LAIR1: variants seen among roughly 807,000 people sequenced by gnomAD.
The protein encoded by LAIR1 is leukocyte associated immunoglobulin like receptor 1.
Under a neutral mutation model 32.8 loss-of-function variants are expected in LAIR1, and 24 were observed. The observed-to-expected ratio is 0.73, with a 90% CI of 0.53 to 1.03. The LOEUF is 1.03. Among genes scored for constraint, LAIR1 ranks in the 50% least tolerant of loss-of-function variants. The pLI, the probability that LAIR1 is intolerant of heterozygous loss-of-function variation, is 0.00. For missense variants in LAIR1, 355 were observed against 347.5 expected (o/e 1.02, Z -0.17); for synonymous variants, 150 against 140.5 (o/e 1.07, Z -0.48).
chr19:54,356,681 C>G, intron 5 of LAIR1, 62 bp from the exon 6 acceptor site: 1 of 1,506,110 alleles, frequency 6.6e-7, no homozygotes, highest in Non-Finnish European at 9.2e-7. Context: ...CTGTATACCA[C>G]ACACACGTCA....
chr19:54,353,727 CTTTCT>C lies in LAIR1; in HGVS notation c.*1536_*1540del, dbSNP rs953460432. ...GAGTTTTTGCTGAATTCTTAAAAAT[CTTTCT>C]TTTCTTTTCTTTTCTTTTTTGACGG... On this transcript the variant is annotated 3_prime_UTR_variant, in exon 10 of 10. Coordinates refer to ENST00000391742, the MANE Select transcript of LAIR1 (RefSeq NM_002287.6). 1.8e-4 allele frequency: 28 copies of C among 151,726 alleles called. No individual in the cohort carries two copies. Among genetic ancestry groups the C allele is most frequent in the East Asian group, 1.5e-3 (8 of 5,166 alleles). The allele number at this position is 151,726 out of a possible 1,614,324, so 9.4% of individuals were successfully genotyped here. A position where few individuals can be genotyped will look rare whatever the true frequency, so the allele number is the denominator to read the frequency against.
chr19:54,367,182 T>C (rs1340415098), upstream of LAIR1, among the ~76,000 whole-genome samples: 1 of 152,230 alleles, frequency 6.6e-6, no homozygotes. Flanking sequence ...TGCATCAGAA[T>C]AGTCCAAACG....
In LAIR1 at chr19:54,356,281, T is replaced by C; in HGVS notation, c.627-14A>G. ...GCCAGGTCAGGCCTAAGAGGAAAAA[T>C]AAAAGTGAACCTCAGGGGCAGCCTG... On this transcript the variant is annotated splice_polypyrimidine_tract_variant and intron_variant, in intron 7 of 9. Coordinates refer to ENST00000391742, the MANE Select transcript of LAIR1 (RefSeq NM_002287.6). The C allele has an allele frequency of 6.2e-7, 1 of 1,611,472 alleles. No individual in the cohort carries two copies. The highest frequency in any genetic ancestry group is 8.5e-7 in the Non-Finnish European group (1 of 1,179,346).
intron 2 of LAIR1, among the ~76,000 whole-genome samples, chr19:54,363,486 C>T (rs1219063156): frequency 3.3e-5 from 5 of 152,142 alleles, no homozygotes; most frequent in East Asian, 3.8e-4. Flanking sequence ...GCGGAGCTGA[C>T]GCCTGCACTC....
upstream of LAIR1, among the ~76,000 whole-genome samples, chr19:54,369,456 A>T (rs942563197): frequency 1.3e-4 from 20 of 151,386 alleles, 1 homozygote; most frequent in Non-Finnish European, 2.9e-4. Context: ...ATGGGCAGTT[A>T]TTCTGGGTTT....
Position 54,361,178 on chromosome 19 carries a change from C to G in LAIR1, c.102G>C (p.Glu34Asp), listed in dbSNP as rs767435523. 2.5e-6 allele frequency: 4 copies of G among 1,614,086 alleles called. No individual in the cohort carries two copies. Among genetic ancestry groups the G allele is most frequent in the African/African-American group, 1.3e-5 (1 of 74,922 alleles). Reference protein sequence around the residue: ...EDLPRPSISAEPGTVIPLGSH... With the variant: ...EDLPRPSISADPGTVIPLGSH... ...TCCCCAGGGGGATCACGGTGCCTGG[C>G]TCAGCCGAGATGGAGGGTCTGGGCA... is the stretch of plus-strand genomic sequence containing the variant. Residue 34 changes from glutamate (E) to aspartate (D), a missense_variant, in exon 3 of 10, where the codon GAG becomes GAC. Transcript: ENST00000391742.
rs760699396 is a variant in LAIR1 at position 54,356,390 on chromosome 19, TG to T, written c.591del (p.Arg198GlufsTer20). On this transcript the variant is annotated frameshift_variant, in exon 7 of 10. Transcript: ENST00000391742. LOFTEE classifies it high-confidence loss of function. ...HRQNQIKQGP[P>X]RSKDEEQKPQ... Reference sequence around the variant, plus strand: ...GGCTTCTGCTCCTCGTCCTTGCTTCTGGGGGGCCCTAAGGACAGTCGGGGTG... The same window carrying T: ...GGCTTCTGCTCCTCGTCCTTGCTTCTGGGGGCCCTAAGGACAGTCGGGGTG... 22 of 1,592,858 alleles carry T rather than the reference TG, an allele frequency of 1.4e-5. No individual in the cohort carries two copies. Among genetic ancestry groups the T allele is most frequent in the Non-Finnish European group, 1.8e-5 (21 of 1,169,828 alleles).
At chr19:54,370,340 C>G in exon 1 of LAIR1, 7 of 1,452,124 alleles carry the variant, frequency 4.8e-6, no homozygotes, top group Non-Finnish European at 6.5e-6. Context: ...TCATAGGATT[C>G]CCGACCTGTG....
chr19:54,371,871 G>T (rs578024624), upstream of LAIR1, among the ~76,000 whole-genome samples: 1 of 151,670 alleles, frequency 6.6e-6, no homozygotes, highest in African/African-American at 2.4e-5. Context: ...GCCTTTTCCA[G>T]AATGTCACAT....
chr19:54,364,997 G>A (rs1450516304), upstream of LAIR1: 12 of 1,449,274 alleles, frequency 8.3e-6, no homozygotes, highest in African/African-American at 1.4e-5. The surrounding 1 kb of genome is among the most constrained non-coding windows in gnomAD (Gnocchi z 4.8). Context: ...GAGACGAGAG[G>A]GAGGGCCTTG....
At chr19:54,367,767 A>ATT (rs774147516), upstream of LAIR1, among the ~76,000 whole-genome samples, 6,754 of 129,372 alleles carry the variant, frequency 0.052, 599 homozygotes, top group African/African-American at 0.17. Flanking sequence ...ATTTTTTTTA[A>ATT]TTTTTTTTTT....
At position 54,352,762 on chromosome 19, in the gene LAIR1, C is replaced by A. The variant is rs1205693390; in HGVS notation, c.*2506G>T. 1 of 153,218 alleles carries A rather than the reference C, an allele frequency of 6.5e-6. No homozygotes were observed. The highest frequency in any genetic ancestry group is 6.6e-5 in the Admixed American group (1 of 15,262). 9.5% of individuals were successfully genotyped at this position (153,218 alleles called of 1,614,324 possible). On this transcript the variant is annotated 3_prime_UTR_variant, in exon 10 of 10. Coordinates refer to ENST00000391742, the MANE Select transcript of LAIR1 (RefSeq NM_002287.6). ...CACCTTCTGCTATAGAGTTCATGTACCCACCTGTCAACCTCATAGTCAAAC... is the reference window on the plus strand; with the variant it reads ...CACCTTCTGCTATAGAGTTCATGTAACCACCTGTCAACCTCATAGTCAAAC...
Position 54,356,813 on chromosome 19 carries a change from G to A in LAIR1, c.454+115C>T, listed in dbSNP as rs1270229888. 7.3e-6 allele frequency: 10 copies of A among 1,375,416 alleles called. No individual in the cohort carries two copies. The East Asian group carries it at 2.5e-4, about 34-fold the overall frequency. The allele number at this position is 1,375,416 out of a possible 1,614,324, so 85.2% of individuals were successfully genotyped here. ...CCTGAGTGCTGGAGTCCTCTGCACA[G>A]GGACACAGACTGCCATTGGCAGAGC... On this transcript the variant is annotated intron_variant, in intron 5 of 9. Transcript: ENST00000391742.
chr19:54,366,945 A>G (rs1002199281), upstream of LAIR1, among the ~76,000 whole-genome samples: 1 of 152,214 alleles, frequency 6.6e-6, no homozygotes, highest in Non-Finnish European at 1.5e-5. Flanking sequence ...CGGACTAGCC[A>G]CATGGTAGAA....
At chr19:54,358,433 ATAATT>A in intron 4 of LAIR1, 1 of 492,020 alleles carries the variant, frequency 2.0e-6, no homozygotes, top group Non-Finnish European at 3.1e-6. Flanking sequence ...CATATATAAT[ATAATT>A]TAAATTATAG....
chr19:54,361,865 CT>C (rs1410033512), intron 2 of LAIR1, among the ~76,000 whole-genome samples: 2 of 152,204 alleles, frequency 1.3e-5, no homozygotes, highest in African/African-American at 4.8e-5. Flanking sequence ...GCATTTCCTT[CT>C]TATTAAGGCT....
chr19:54,356,883 A>G (rs956586117), intron 5 of LAIR1, 45 bp downstream of exon 5: 14 of 1,611,030 alleles, frequency 8.7e-6, no homozygotes, highest in Middle Eastern at 3.3e-4. Context: ...CTCCTTCCCC[A>G]AGAGGCACAC....
intron 6 of LAIR1, 21 bp downstream of exon 6, chr19:54,356,470 C>T (rs1379934765): frequency 6.2e-7 from 1 of 1,613,398 alleles, no homozygotes; most frequent in Non-Finnish European, 8.5e-7. Flanking sequence ...CAGGTCACCC[C>T]ACCCTGCCCC....
At chr19:54,372,960 A>G (rs2082440938), upstream of LAIR1, among the ~76,000 whole-genome samples, 1 of 151,104 alleles carries the variant, frequency 6.6e-6, no homozygotes, top group African/African-American at 2.5e-5. Flanking sequence ...GTGAAACCCC[A>G]TCTCTACTAA....
Sources: allele counts gnomAD v4.1 joint callset (sites outside exome capture counted in the v4.1 genomes callset), GRCh38; gene constraint gnomAD v4.1.1; non-coding constraint Gnocchi (gnomAD v3.1); transcripts MANE v1.5; gene names NCBI Gene and HGNC (gene_info 2026-07-23, HGNC 2026-07-21).